AIG1: variants seen among roughly 807,000 people sequenced by gnomAD.
The protein encoded by AIG1 is androgen-induced gene 1 protein.
AIG1 carries 23 observed loss-of-function variants against 31.4 expected under a neutral mutation model. That is an observed-to-expected ratio of 0.73 (90% CI 0.53 to 1.04). The LOEUF is 1.04. Ranked by LOEUF, AIG1 falls within the 50% of genes least tolerant of loss-of-function variation. The pLI, the probability that AIG1 is intolerant of heterozygous loss-of-function variation, is 0.00. For synonymous variants in AIG1, 100 were observed against 110.5 expected, an observed-to-expected ratio of 0.90 and a Z score of 0.60; for missense variants, 274 against 295.0, an observed-to-expected ratio of 0.93 and a Z score of 0.52.
intron 1 of AIG1, among the ~76,000 whole-genome samples, chr6:143,118,831 A>T (rs1462363606): frequency 6.6e-6 from 1 of 151,416 alleles, no homozygotes; most frequent in Non-Finnish European, 1.5e-5. Flanking sequence ...AAATTCCTAT[A>T]TGGAACTTCT....
chr6:143,134,516 G>A (rs1783555114), intron 1 of AIG1, among the ~76,000 whole-genome samples: 1 of 150,050 alleles, frequency 6.7e-6, no homozygotes, highest in African/African-American at 2.5e-5. Context: ...AAGAAACATA[G>A]TTATTTCAAC....
At chr6:143,199,640 T>C (rs1790530622) in intron 3 of AIG1, among the ~76,000 whole-genome samples, 1 of 152,206 alleles carries the variant, frequency 6.6e-6, no homozygotes, top group African/African-American at 2.4e-5. Flanking sequence ...CCAGAAAACT[T>C]ATTTTCATCT....
chr6:143,234,299 A>T (rs1793659158), intron 3 of AIG1, among the ~76,000 whole-genome samples: 1 of 152,220 alleles, frequency 6.6e-6, no homozygotes, highest in Non-Finnish European at 1.5e-5. Flanking sequence ...ACACACTTAT[A>T]AAAGAAGAAA....
chr6:143,315,494 A>G (rs1583845273), intron 4 of AIG1, among the ~76,000 whole-genome samples: 1 of 152,158 alleles, frequency 6.6e-6, no homozygotes, highest in South Asian at 2.1e-4. Context: ...ATGGAACAAA[A>G]TAAAGAGCTA....
chr6:143,238,051 C>T (rs1793944180), intron 3 of AIG1, among the ~76,000 whole-genome samples: 1 of 152,218 alleles, frequency 6.6e-6, no homozygotes, highest in Admixed American at 6.5e-5. Context: ...AGCCATTCTC[C>T]TGCATCAGCC....
chr6:143,186,466 C>T (rs1789268109), intron 3 of AIG1, among the ~76,000 whole-genome samples: 1 of 152,146 alleles, frequency 6.6e-6, no homozygotes, highest in Admixed American at 6.6e-5. Flanking sequence ...CCATTTCATC[C>T]TTATCAAGTA....
In AIG1 at chr6:143,267,107, C is replaced by T. The variant is rs183356327; in HGVS notation, c.400-17003C>T. ...TTGTAAAACATCTCCTCCTCATGGA[C>T]TTAAAAGATTCAAACATCTTTGTTC... On this transcript the variant is annotated intron_variant, in intron 3 of 5. Coordinates refer to ENST00000357847, the MANE Select transcript of AIG1 (RefSeq NM_016108.4). 1.4e-4 allele frequency among the ~76,000 whole-genome samples: 21 copies of T among 152,254 alleles called. No individual in the cohort carries two copies. In the East Asian group the frequency reaches 3.9e-3, roughly 28 times the overall value.
chr6:143,277,980 A>C (rs1583709493), intron 3 of AIG1, among the ~76,000 whole-genome samples: 1 of 152,346 alleles, frequency 6.6e-6, no homozygotes, highest in East Asian at 1.9e-4. Flanking sequence ...TTATACCATC[A>C]TGCAGCATAA....
Position 143,327,269 on chromosome 6 carries a change from G to A in AIG1, c.516-6013G>A, listed in dbSNP as rs2128719820. 1 of 204,790 alleles carries A rather than the reference G, an allele frequency of 4.9e-6. No individual in the cohort carries two copies. Among genetic ancestry groups the A allele is most frequent in the Non-Finnish European group, 9.7e-6 (1 of 103,170 alleles). 12.7% of individuals were successfully genotyped at this position (204,790 alleles called of 1,614,324 possible). On this transcript the variant is annotated intron_variant, in intron 4 of 5. Transcript: ENST00000357847. The surrounding 1 kb of genome is among the most constrained non-coding windows in gnomAD (Gnocchi z 5.3). The stretch of plus-strand genomic sequence containing the variant: ...CACTCTTCCTTTCCAACTTGGGCCT[G>A]GCAGAATGGTTCTCACAAAGAAGGA...
chr6:143,271,240 A>G (rs1353249403), intron 3 of AIG1, among the ~76,000 whole-genome samples: 2 of 152,200 alleles, frequency 1.3e-5, no homozygotes, highest in Non-Finnish European at 2.9e-5. Context: ...CTCAGCCCAT[A>G]AGAAAAACAT....
rs1263316771 is a variant in AIG1 at position 143,333,327 on chromosome 6, C to T, written c.561C>T (p.Phe187=). The change falls in exon 5 of 6, where the codon TTC becomes TTT. Residue 187 remains phenylalanine, a synonymous_variant. Coordinates refer to ENST00000357847, the MANE Select transcript of AIG1 (RefSeq NM_016108.4). The surrounding 1 kb of genome is among the most constrained non-coding windows in gnomAD (Gnocchi z 4.6). ...HHVTGMWVYP[F]LEHIGPGARI... is the part of the protein sequence containing the mutation. Reference sequence around the variant, plus strand: ...TAACTGGCATGTGGGTGTACCCTTTCCTGGAACACATTGGCCCAGGAGCCA... The same window carrying T: ...TAACTGGCATGTGGGTGTACCCTTTTCTGGAACACATTGGCCCAGGAGCCA... 1 of 1,613,782 alleles carries T rather than the reference C, an allele frequency of 6.2e-7. No homozygotes were observed. Among genetic ancestry groups the T allele is most frequent in the Admixed American group, 1.7e-5 (1 of 59,966 alleles).
chr6:143,309,550 A>G (rs1583826252), intron 4 of AIG1, among the ~76,000 whole-genome samples: 2 of 152,102 alleles, frequency 1.3e-5, no homozygotes, highest in African/African-American at 4.8e-5. Flanking sequence ...TACTCAAACC[A>G]AAGAAAACAG....
At chr6:143,187,650 C>G in intron 3 of AIG1, 1 of 1,536,066 alleles carries the variant, frequency 6.5e-7, no homozygotes, top group Non-Finnish European at 8.7e-7. Context: ...TTAAAGTTTT[C>G]TTGGCACGCT....
intron 3 of AIG1, among the ~76,000 whole-genome samples, chr6:143,181,611 A>G (rs1296450186): frequency 6.6e-6 from 1 of 152,228 alleles, no homozygotes; most frequent in Non-Finnish European, 1.5e-5. Flanking sequence ...ATTGCCAATG[A>G]TATTTTTTAT....
Position 143,334,008 on chromosome 6 carries a change from T to C in AIG1, c.679+563T>C. 2 of 1,507,354 alleles carry C rather than the reference T, an allele frequency of 1.3e-6. No individual in the cohort carries two copies. The highest frequency in any genetic ancestry group is 1.8e-6 in the Non-Finnish European group (2 of 1,110,126). 93.4% of individuals were successfully genotyped at this position (1,507,354 alleles called of 1,614,324 possible). A position where few individuals can be genotyped will look rare whatever the true frequency, so the allele number is the denominator to read the frequency against. ...GCAAAGAGCTACAAGCAGTAAAAGA[T>C]AATATTTCGTGGCTGGAAAAACTCT... On this transcript the variant is annotated intron_variant, in intron 5 of 5. Transcript: ENST00000357847. This position sits in a 1 kb window ranked among gnomAD's most constrained non-coding sequence, Gnocchi z 5.1.
At chr6:143,106,975 C>T (rs917745337) in intron 1 of AIG1, among the ~76,000 whole-genome samples, 2 of 152,182 alleles carry the variant, frequency 1.3e-5, no homozygotes, top group Non-Finnish European at 2.9e-5. Flanking sequence ...CTAATCACTT[C>T]CCAAAGCTCC....
chr6:143,106,144 T>C (rs541418159), intron 1 of AIG1, among the ~76,000 whole-genome samples: 1 of 152,294 alleles, frequency 6.6e-6, no homozygotes, highest in South Asian at 2.1e-4. Flanking sequence ...CTGAATCTGA[T>C]GTGACTGGTA....
At chr6:143,181,939 A>T (rs1208007927) in intron 3 of AIG1, among the ~76,000 whole-genome samples, 1 of 152,186 alleles carries the variant, frequency 6.6e-6, no homozygotes, top group Non-Finnish European at 1.5e-5. Flanking sequence ...GGCAGAGTCA[A>T]ATCATACACT....
intron 4 of AIG1, among the ~76,000 whole-genome samples, chr6:143,310,476 T>G (rs55975141): frequency 0.047 from 7,205 of 151,768 alleles, 552 homozygotes; most frequent in African/African-American, 0.16. Flanking sequence ...CACCAAAATT[T>G]TTGAGATGCA....
Sources: gnomAD v4.1 joint callset for allele counts (sites outside exome capture counted in the v4.1 genomes callset) on GRCh38, gnomAD v4.1.1 for gene constraint, Gnocchi (gnomAD v3.1) non-coding constraint, MANE v1.5 for transcripts, NCBI Gene and HGNC (gene_info 2026-07-23, HGNC 2026-07-21) for gene names.